TRAPPC8: variants seen among roughly 807,000 people sequenced by gnomAD.
TRAPPC8 encodes general sporulation gene 1 homolog.
TRAPPC8 carries 54 observed loss-of-function variants against 174.3 expected under a neutral mutation model. That is an observed-to-expected ratio of 0.31 (90% CI 0.25 to 0.39). The LOEUF is 0.39. Ranked by LOEUF, TRAPPC8 falls within the 10% of genes least tolerant of loss-of-function variation. The probability of loss-of-function intolerance (pLI) is 1.00; values close to 1 mark genes in which losing one functional copy is unlikely to be tolerated. For synonymous variants in TRAPPC8, 630 were observed against 579.9 expected (o/e 1.09, Z -1.24); for missense variants, 1,531 against 1,699.1 (o/e 0.90, Z 1.74).
Position 31,908,415 on chromosome 18 carries a change from T to C in TRAPPC8, c.1126A>G (p.Ile376Val). The change falls in exon 8 of 29, where the codon ATA becomes GTA. Residue 376 changes from isoleucine (I) to valine (V), a missense_variant. Transcript: ENST00000283351. ...GATCGACTCAAACCTTTTCTTGATA[T>C]TAGCTTTAAAAAAGAGATTAAATAT... is the stretch of plus-strand genomic sequence containing the variant. The part of the protein sequence containing the change: ...KTIRQLNDQL[I>V]SRKGLSRSLF... The C allele has an allele frequency of 1.3e-6, 2 of 1,559,634 alleles. No individual in the cohort carries two copies. The highest frequency in any genetic ancestry group is 1.7e-6 in the Non-Finnish European group (2 of 1,151,924).
intron 9 of TRAPPC8, among the ~76,000 whole-genome samples, chr18:31,903,606 T>G (rs943683321): frequency 6.6e-6 from 1 of 152,232 alleles, no homozygotes; most frequent in African/African-American, 2.4e-5. Context: ...TCACAACGGC[T>G]TGCCTTATCA....
intron 2 of TRAPPC8, among the ~76,000 whole-genome samples, chr18:31,925,193 A>G (rs529750534): frequency 6.6e-6 from 1 of 152,154 alleles, no homozygotes; most frequent in South Asian, 2.1e-4. Context: ...GATTTGAGGT[A>G]AGTGTCCAAC....
At chr18:31,872,051 T>C (rs956453255) in intron 14 of TRAPPC8, among the ~76,000 whole-genome samples, 6 of 152,122 alleles carry the variant, frequency 3.9e-5, no homozygotes, top group Admixed American at 3.9e-4. Context: ...GGTGGCAAAG[T>C]CTGGGCTTTT....
chr18:31,841,225 T>C (rs775470841), intron 26 of TRAPPC8, among the ~76,000 whole-genome samples: 14 of 152,098 alleles, frequency 9.2e-5, no homozygotes, highest in Admixed American at 6.5e-5. Flanking sequence ...TTTCAAAAAG[T>C]GGCCCTGAGG....
chr18:31,864,669 T>C lies in TRAPPC8; in HGVS notation c.2703A>G (p.Arg901=). 1 of 1,612,910 alleles carries C rather than the reference T, an allele frequency of 6.2e-7. No homozygotes were observed. Among genetic ancestry groups the C allele is most frequent in the African/African-American group, 1.3e-5 (1 of 74,978 alleles). The change falls in exon 19 of 29, where the codon CGA becomes CGG. Residue 901 remains arginine (R), a synonymous_variant. Transcript: ENST00000283351. ...EKTSVKYGPD[R]RLDPIITEEM... is the part of the protein sequence containing the mutation. ...CTTCTGTGATTATGGGATCTAAACG[T>C]CGATCAGGGCCATATTTAACAGATG...
At chr18:31,919,333 G>A (rs2037275965) in intron 2 of TRAPPC8, among the ~76,000 whole-genome samples, 1 of 151,942 alleles carries the variant, frequency 6.6e-6, no homozygotes. Context: ...AGGAGTTCGA[G>A]ACCAGCCTAG....
At position 31,857,763 on chromosome 18, in the gene TRAPPC8, T is replaced by C. The variant is rs953723307; in HGVS notation, c.2965A>G (p.Thr989Ala). ...SAYKTVVTDATSVCTALISSA... is the reference protein window; with the variant it reads ...SAYKTVVTDAASVCTALISSA... ...GATATGAGTGCTGTACACACAGAGG[T>C]AGCATCTGTCACAACAGTCTTGTAA... Residue 989 changes from threonine to alanine, a missense_variant, in exon 20 of 29, where the codon ACC (threonine) becomes GCC (alanine). By Grantham distance (58) the Thr-to-Ala change is moderately conservative. Transcript: ENST00000283351. The C allele has an allele frequency of 2.5e-6, 4 of 1,614,088 alleles. No homozygotes were observed. Among genetic ancestry groups the C allele is most frequent in the Non-Finnish European group, 3.4e-6 (4 of 1,179,996 alleles).
chr18:31,831,097 A>T, intron 28 of TRAPPC8, 108 bp from the exon 29 acceptor site: 1 of 857,384 alleles, frequency 1.2e-6, no homozygotes, highest in Non-Finnish European at 1.8e-6. Context: ...TCACGCCTGT[A>T]ATCCCAGCAC....
chr18:31,855,655 C>A lies in TRAPPC8; in HGVS notation c.3336+5G>T. On this transcript the variant is annotated splice_donor_5th_base_variant and intron_variant, in intron 21 of 28. Coordinates refer to ENST00000283351, the MANE Select transcript of TRAPPC8 (RefSeq NM_014939.5). ...AAAACAAAATTCAGTTTTAAACCAACTTACAGTATTGGTATTTTCCACATC... is the reference window on the plus strand; with the variant it reads ...AAAACAAAATTCAGTTTTAAACCAAATTACAGTATTGGTATTTTCCACATC... The A allele has an allele frequency of 1.3e-6, 2 of 1,583,074 alleles. No individual in the cohort carries two copies. The highest frequency in any genetic ancestry group is 1.7e-6 in the Non-Finnish European group (2 of 1,172,216).
intron 9 of TRAPPC8, among the ~76,000 whole-genome samples, chr18:31,903,118 G>A (rs560838086): frequency 1.8e-3 from 165 of 90,464 alleles, no homozygotes; most frequent in Non-Finnish European, 2.8e-3. Context: ...GCGTGCGTGC[G>A]TGCGTGTGTG....
At chr18:31,889,784 G>C (rs1261414861) in intron 12 of TRAPPC8, among the ~76,000 whole-genome samples, 1 of 152,090 alleles carries the variant, frequency 6.6e-6, no homozygotes, top group Non-Finnish European at 1.5e-5. Flanking sequence ...AAAAATAAGA[G>C]GAAGGAACCC....
intron 12 of TRAPPC8, among the ~76,000 whole-genome samples, chr18:31,888,223 A>T (rs998517017): frequency 1.3e-5 from 2 of 152,232 alleles, no homozygotes; most frequent in African/African-American, 4.8e-5. Flanking sequence ...ATTTCATGGC[A>T]GTCAGAATGG....
At chr18:31,881,448 G>T (rs575660707) in intron 12 of TRAPPC8, among the ~76,000 whole-genome samples, 8 of 152,148 alleles carry the variant, frequency 5.3e-5, no homozygotes, top group Admixed American at 2.6e-4. Context: ...ATATACAGAA[G>T]AATGAAACTA....
At chr18:31,875,038 T>C (rs1172986472) in intron 12 of TRAPPC8, among the ~76,000 whole-genome samples, 1 of 152,172 alleles carries the variant, frequency 6.6e-6, no homozygotes, top group East Asian at 1.9e-4. Context: ...AAGAGCTTAC[T>C]TCTCAACTTG....
At chr18:31,910,084 A>C (rs1280682923) in intron 5 of TRAPPC8, among the ~76,000 whole-genome samples, 1 of 152,190 alleles carries the variant, frequency 6.6e-6, no homozygotes, top group African/African-American at 2.4e-5. Flanking sequence ...ACATATGCTT[A>C]TGCCTCTTAA....
rs538500695 is a variant in TRAPPC8, at chr18:31,889,948, A to C, written c.1728+787T>G. Reference sequence around the variant, plus strand: ...TAGCACAGACTTAGAAAAATTAAGGATGTTCATAGTTACATTTCATACTTA... The same window carrying C: ...TAGCACAGACTTAGAAAAATTAAGGCTGTTCATAGTTACATTTCATACTTA... On this transcript the variant is annotated intron_variant, in intron 12 of 28. Coordinates refer to ENST00000283351, the MANE Select transcript of TRAPPC8 (RefSeq NM_014939.5). Among the ~76,000 whole-genome samples, 345 of 152,316 alleles carry C rather than the reference A, an allele frequency of 2.3e-3. 3 individuals are homozygous for C. Among genetic ancestry groups the C allele is most frequent in the Non-Finnish European group, 2.7e-3 (187 of 68,024 alleles).
Position 31,942,984 on chromosome 18 carries a change from C to A in TRAPPC8, c.-220G>T, listed in dbSNP as rs1232532971. ...TTCCCGTCACCGCCGCTTCTCAGCG[C>A]TCGTCCCCGCGTGCTCGCATTCCAC... On this transcript the variant is annotated 5_prime_UTR_variant, in exon 1 of 29. Transcript: ENST00000283351. The A allele has an allele frequency of 8.3e-6, 8 of 968,838 alleles. No homozygotes were observed. In the African/African-American group the frequency reaches 1.4e-4, roughly 16 times the overall value. The allele number at this position is 968,838 out of a possible 1,614,324, so 60.0% of individuals were successfully genotyped here.
intron 27 of TRAPPC8, among the ~76,000 whole-genome samples, chr18:31,838,485 A>AGTACC (rs1380572553): frequency 1.8e-4 from 28 of 152,278 alleles, no homozygotes; most frequent in African/African-American, 6.5e-4. Flanking sequence ...AAACATGCCT[A>AGTACC]TATCGTACCT....
intron 27 of TRAPPC8, among the ~76,000 whole-genome samples, chr18:31,837,107 A>G (rs2032793663): frequency 6.6e-6 from 1 of 152,066 alleles, no homozygotes; most frequent in South Asian, 2.1e-4. Context: ...CCCTGCATAC[A>G]TCTGTATCAG....
Sources: gnomAD v4.1 joint callset for allele counts (sites outside exome capture counted in the v4.1 genomes callset) on GRCh38, gnomAD v4.1.1 for gene constraint, MANE v1.5 for transcripts, NCBI Gene and HGNC (gene_info 2026-07-23, HGNC 2026-07-21) for gene names.